PGM5: variants seen among roughly 807,000 people sequenced by gnomAD.
PGM5 encodes the protein phosphoglucomutase-like protein 5.
PGM5 carries 23 observed loss-of-function variants against 59.2 expected under a neutral mutation model. The ratio of observed to expected loss-of-function variants is 0.39; its 90% confidence interval spans 0.28 to 0.55. The LOEUF (loss-of-function observed/expected upper bound fraction) is 0.55. PGM5 is among the 20% of genes least tolerant of loss of function. PGM5 has a pLI of 0.66. For synonymous variants in PGM5, 214 were observed against 286.0 expected, an observed-to-expected ratio of 0.75 and a Z score of 2.54; for missense variants, 574 against 748.3, an observed-to-expected ratio of 0.77 and a Z score of 2.72.
At chr9:68,385,087 A>C (rs1190697159) in intron 3 of PGM5, among the ~76,000 whole-genome samples, 1 of 152,030 alleles carries the variant, frequency 6.6e-6, no homozygotes, top group Non-Finnish European at 1.5e-5. Context: ...GTGATTCAAA[A>C]ATTAAAGAAC....
At chr9:68,499,018 G>A (rs1403954827) in intron 9 of PGM5, 6 of 551,538 alleles carry the variant, frequency 1.1e-5, no homozygotes, top group Middle Eastern at 8.6e-4. Flanking sequence ...TAACCACAAA[G>A]CAACGGAAAT....
rs1433444673 is a variant in PGM5 at position 68,502,174 on chromosome 9, C to T, written c.1614+2813C>T. Among the ~76,000 whole-genome samples, 5 of 152,242 alleles carry T rather than the reference C, an allele frequency of 3.3e-5. No homozygotes were observed. In the South Asian group the frequency reaches 8.3e-4, roughly 25 times the overall value. ...TTCTTGCCCTGATCCCACTCTGTGTCCTTGGTAAATCAGGAAGGAAAGCTT... is the reference window on the plus strand; with the variant it reads ...TTCTTGCCCTGATCCCACTCTGTGTTCTTGGTAAATCAGGAAGGAAAGCTT... On this transcript the variant is annotated intron_variant, in intron 10 of 10. Coordinates refer to ENST00000396396, the MANE Select transcript of PGM5 (RefSeq NM_021965.4).
At chr9:68,490,915 T>C (rs1824379330) in intron 9 of PGM5, among the ~76,000 whole-genome samples, 2 of 152,238 alleles carry the variant, frequency 1.3e-5, no homozygotes, top group South Asian at 4.1e-4. Context: ...TATTATCACA[T>C]TTAGTTTATT....
intron 1 of PGM5, among the ~76,000 whole-genome samples, chr9:68,370,029 C>T (rs1286024279): frequency 6.6e-6 from 1 of 151,876 alleles, no homozygotes; most frequent in African/African-American, 2.4e-5. Flanking sequence ...GGGTTCCTTC[C>T]AGTGTTTTGT....
intron 1 of PGM5, among the ~76,000 whole-genome samples, chr9:68,373,281 T>C (rs1821788211): frequency 6.6e-6 from 1 of 150,878 alleles, no homozygotes; most frequent in South Asian, 2.1e-4. Flanking sequence ...TAGGACCATG[T>C]CCAGCAATAC....
At chr9:68,398,028 C>A (rs1238599396) in intron 6 of PGM5, 1 of 152,208 alleles carries the variant, frequency 6.6e-6, no homozygotes, top group East Asian at 1.9e-4. Context: ...CTACTGATCT[C>A]TGGTGATCTC....
intron 6 of PGM5, among the ~76,000 whole-genome samples, chr9:68,458,527 A>C (rs1554685123): frequency 6.6e-6 from 1 of 152,222 alleles, no homozygotes; most frequent in African/African-American, 2.4e-5. Flanking sequence ...TGAAATGTCC[A>C]GTACTAAGAG....
rs535230935 is a variant in PGM5, at chr9:68,502,204, A to T, written c.1614+2843A>T. Among the ~76,000 whole-genome samples the T allele has an allele frequency of 1.1e-4, 17 of 152,326 alleles. 1 individual carries two copies. Among genetic ancestry groups the T allele is most frequent in the Admixed American group, 1.1e-3 (17 of 15,300 alleles). On this transcript the variant is annotated intron_variant, in intron 10 of 10. Coordinates refer to ENST00000396396, the MANE Select transcript of PGM5 (RefSeq NM_021965.4). ...GTAAATCAGGAAGGAAAGCTTCCAAAGGCTTGTTGCTGGAAGACTACCTAG... is the reference window on the plus strand; with the variant it reads ...GTAAATCAGGAAGGAAAGCTTCCAATGGCTTGTTGCTGGAAGACTACCTAG...
intron 10 of PGM5, among the ~76,000 whole-genome samples, chr9:68,518,978 C>T (rs1443045582): frequency 1.3e-5 from 2 of 152,178 alleles, no homozygotes; most frequent in East Asian, 1.9e-4. Context: ...CACATCTAGA[C>T]ACATCAGGCT....
intron 6 of PGM5, among the ~76,000 whole-genome samples, chr9:68,438,464 A>G (rs1441681058): frequency 6.6e-6 from 1 of 152,054 alleles, no homozygotes; most frequent in Non-Finnish European, 1.5e-5. Context: ...TTTCAGATTC[A>G]TTAGGTCTAC....
intron 6 of PGM5, among the ~76,000 whole-genome samples, chr9:68,463,440 A>G (rs983221121): frequency 2.4e-4 from 36 of 152,018 alleles, no homozygotes; most frequent in African/African-American, 8.2e-4. Context: ...GTACCAGCTC[A>G]TTCCCTAGCC....
chr9:68,507,506 C>T lies in PGM5; in HGVS notation c.1614+8145C>T, dbSNP rs185120201. On this transcript the variant is annotated intron_variant, in intron 10 of 10. Coordinates refer to ENST00000396396, the MANE Select transcript of PGM5 (RefSeq NM_021965.4). ...TACATATATTCAAATAATTTTAAAA[C>T]AGGGGCAAGAGTAGAAAGTATTGAG... is the stretch of plus-strand genomic sequence containing the variant. 3.7e-4 allele frequency among the ~76,000 whole-genome samples: 57 copies of T among 152,156 alleles called. No homozygotes were observed. In the East Asian group the frequency reaches 0.011, roughly 29 times the overall value.
At chr9:68,359,551 A>G (rs1834537241) in intron 1 of PGM5, among the ~76,000 whole-genome samples, 1 of 152,240 alleles carries the variant, frequency 6.6e-6, no homozygotes, top group Non-Finnish European at 1.5e-5. Context: ...GTCTAAAAGA[A>G]CTGGATAATT....
At chr9:68,439,016 C>A (rs1015828627) in intron 6 of PGM5, among the ~76,000 whole-genome samples, 1 of 152,104 alleles carries the variant, frequency 6.6e-6, no homozygotes, top group African/African-American at 2.4e-5. Context: ...TAGGGAGAAA[C>A]ACTGTTGCCT....
intron 7 of PGM5, among the ~76,000 whole-genome samples, chr9:68,467,371 C>T (rs1478484511): frequency 2.6e-5 from 4 of 152,182 alleles, no homozygotes; most frequent in Non-Finnish European, 5.9e-5. Flanking sequence ...GGATCTGTCT[C>T]TCCTTGGAGT....
chr9:68,515,154 G>A (rs1029891253), intron 10 of PGM5, among the ~76,000 whole-genome samples: 1 of 152,212 alleles, frequency 6.6e-6, no homozygotes, highest in Non-Finnish European at 1.5e-5. Context: ...CTTTAAATAT[G>A]TTAGGTTAAA....
chr9:68,416,557 T>G (rs1587801480), intron 6 of PGM5, among the ~76,000 whole-genome samples: 1 of 152,256 alleles, frequency 6.6e-6, no homozygotes, highest in East Asian at 1.9e-4. Context: ...GATTCAAGTT[T>G]ACTCCTGGGG....
chr9:68,483,190 G>A (rs893398730), intron 8 of PGM5, among the ~76,000 whole-genome samples: 2 of 152,070 alleles, frequency 1.3e-5, no homozygotes. Context: ...TCACGTTCTG[G>A]TGGCCAAAGA....
chr9:68,359,758 A>G (rs2777169), intron 1 of PGM5, among the ~76,000 whole-genome samples: 7 of 152,250 alleles, frequency 4.6e-5, no homozygotes, highest in Non-Finnish European at 7.3e-5. Context: ...TGACAAATCT[A>G]ACCAGTGGGC....
Sources: allele counts gnomAD v4.1 joint callset (sites outside exome capture counted in the v4.1 genomes callset), GRCh38; gene constraint gnomAD v4.1.1; transcripts MANE v1.5; gene names NCBI Gene and HGNC (gene_info 2026-07-23, HGNC 2026-07-21).